NDC80: variants seen among roughly 807,000 people sequenced by gnomAD.
NDC80 encodes the protein kinetochore protein NDC80 homolog.
In NDC80, 69 loss-of-function variants were observed where a neutral mutation model predicts 89.3. That is an observed-to-expected ratio of 0.77 (90% CI 0.64 to 0.94). NDC80 has a LOEUF of 0.94. Ranked by LOEUF, NDC80 falls within the 40% of genes least tolerant of loss-of-function variation. The probability of loss-of-function intolerance (pLI) is 0.00; values close to 1 mark genes in which losing one functional copy is unlikely to be tolerated. For missense variants in NDC80, 593 were observed against 739.6 expected (o/e 0.80, Z 2.30); for synonymous variants, 243 against 255.6 (o/e 0.95, Z 0.47).
chr18:2,582,146 A>G (rs544359722), intron 6 of NDC80: 3 of 152,278 alleles, frequency 2.0e-5, no homozygotes, highest in East Asian at 1.9e-4. Context: ...GCATGATCTC[A>G]GCTCACTACA....
intron 12 of NDC80, among the ~76,000 whole-genome samples, chr18:2,600,807 A>C (rs1481613470): frequency 6.6e-6 from 1 of 152,192 alleles, no homozygotes; most frequent in Non-Finnish European, 1.5e-5. Flanking sequence ...ACACGCTATA[A>C]TTTTATGTTA....
At chr18:2,574,882 T>C (rs2072538563) in intron 2 of NDC80, 107 bp from the exon 3 acceptor site, 1 of 702,428 alleles carries the variant, frequency 1.4e-6, no homozygotes, top group Admixed American at 2.9e-5. Context: ...TTTTGAATTA[T>C]TTTTATAGCT....
intron 6 of NDC80, chr18:2,582,756 C>T (rs2072584674): frequency 6.6e-6 from 1 of 152,180 alleles, no homozygotes; most frequent in Admixed American, 6.5e-5. Flanking sequence ...TGTTGATTTC[C>T]TAATGACCTC....
At chr18:2,614,406 C>T (rs1445897374) in intron 16 of NDC80, 1 of 192,560 alleles carries the variant, frequency 5.2e-6, no homozygotes, top group Non-Finnish European at 1.1e-5. Flanking sequence ...CACTGCACTC[C>T]AGCCTGGCTA....
intron 6 of NDC80, among the ~76,000 whole-genome samples, chr18:2,583,152 A>G (rs777210279): frequency 3.9e-5 from 6 of 152,214 alleles, no homozygotes; most frequent in Non-Finnish European, 7.3e-5. Context: ...TACTTTTTAT[A>G]TCTATAATTA....
chr18:2,607,965 G>A lies in NDC80; in HGVS notation c.1558-735G>A, dbSNP rs1205553225. Among the ~76,000 whole-genome samples the A allele has an allele frequency of 2.6e-4, 18 of 68,140 alleles. 1 individual carries two copies. Among genetic ancestry groups the A allele is most frequent in the Non-Finnish European group, 3.8e-4 (14 of 36,400 alleles). 44.7% of individuals were successfully genotyped at this position (68,140 alleles called of 152,430 possible). A position where few individuals can be genotyped will look rare whatever the true frequency, so the allele number is the denominator to read the frequency against. On this transcript the variant is annotated intron_variant, in intron 14 of 16. Coordinates refer to ENST00000261597, the MANE Select transcript of NDC80 (RefSeq NM_006101.3). Reference sequence around the variant, plus strand: ...TGTTTTTATTTTACATATATACATAGTATATATATATATATATATATATAT... The same window carrying A: ...TGTTTTTATTTTACATATATACATAATATATATATATATATATATATATAT...
chr18:2,589,243 T>C lies in NDC80; in HGVS notation c.803T>C (p.Leu268Ser), dbSNP rs750511146. The C allele has an allele frequency of 1.2e-6, 2 of 1,613,632 alleles. No individual in the cohort carries two copies. Among genetic ancestry groups the C allele is most frequent in the Admixed American group, 1.7e-5 (1 of 59,968 alleles). The part of the protein sequence containing the change: ...FNVDAFKLES[L>S]EAKNRALNEQ... ...GTGGATGCTTTTAAGCTGGAATCAT[T>C]AGAAGCAAAAAACAGAGCATTGAAT... The change falls in exon 9 of 17, where the codon TTA becomes TCA. Residue 268 changes from leucine to serine, a missense_variant. Leu to Ser is a moderately radical substitution (Grantham distance 145, BLOSUM62 -2). Transcript: ENST00000261597.
intron 1 of NDC80, among the ~76,000 whole-genome samples, chr18:2,572,060 C>T (rs887933108): frequency 6.6e-6 from 1 of 152,132 alleles, no homozygotes; most frequent in Non-Finnish European, 1.5e-5. Flanking sequence ...TAGAAGTCTT[C>T]ATCTTAAATC....
chr18:2,579,202 A>G lies in NDC80; in HGVS notation c.579+173A>G, dbSNP rs532938743. 79 of 400,570 alleles carry G rather than the reference A, an allele frequency of 2.0e-4. 1 individual carries two copies. Among genetic ancestry groups the G allele is most frequent in the African/African-American group, 1.5e-3 (73 of 48,760 alleles). The allele number at this position is 400,570 out of a possible 1,614,324, so 24.8% of individuals were successfully genotyped here. A position where few individuals can be genotyped will look rare whatever the true frequency, so the allele number is the denominator to read the frequency against. ...AAACTATTATCACAAGGTAAAAGGA[A>G]GAAAGTACCAATTGATAAGGAGATT... On this transcript the variant is annotated intron_variant, in intron 6 of 16. Transcript: ENST00000261597.
chr18:2,608,454 C>T (rs973155496), intron 14 of NDC80, among the ~76,000 whole-genome samples: 2 of 152,066 alleles, frequency 1.3e-5, no homozygotes, highest in African/African-American at 4.8e-5. Context: ...GATCCACCCA[C>T]CTCAACCTCC....
intron 13 of NDC80, among the ~76,000 whole-genome samples, chr18:2,602,364 G>GA (rs1306734244): frequency 6.6e-6 from 1 of 151,986 alleles, no homozygotes; most frequent in Non-Finnish European, 1.5e-5. Flanking sequence ...CAGAAAAATA[G>GA]AAAAATTTGT....
chr18:2,599,235 A>G, intron 12 of NDC80, 64 bp downstream of exon 12: 1 of 1,404,784 alleles, frequency 7.1e-7, no homozygotes, highest in Non-Finnish European at 9.6e-7. Flanking sequence ...TAAGAGTTTG[A>G]ACTTTGGCTT....
In NDC80 at chr18:2,599,193, T is replaced by A. The variant is rs751045444; in HGVS notation, c.1374+22T>A. The A allele has an allele frequency of 5.0e-6, 8 of 1,584,402 alleles. No individual in the cohort carries two copies. In the South Asian group the frequency reaches 7.0e-5, roughly 14 times the overall value. On this transcript the variant is annotated intron_variant, in intron 12 of 16. Coordinates refer to ENST00000261597, the MANE Select transcript of NDC80 (RefSeq NM_006101.3). ...TTATGTAAGTAATCATGACTACTTTTAAGATTTTTTTAATTCTGTGATTGG... is the reference window on the plus strand; with the variant it reads ...TTATGTAAGTAATCATGACTACTTTAAAGATTTTTTTAATTCTGTGATTGG...
intron 6 of NDC80, among the ~76,000 whole-genome samples, chr18:2,579,601 A>G (rs1041676368): frequency 1.3e-5 from 2 of 151,816 alleles, no homozygotes; most frequent in African/African-American, 4.8e-5. Flanking sequence ...CTAATTTTCT[A>G]TTTTTAGTAG....
At chr18:2,615,127 T>A (rs1428473798) in intron 16 of NDC80, 2 of 152,350 alleles carry the variant, frequency 1.3e-5, no homozygotes, top group Middle Eastern at 6.8e-3. Flanking sequence ...AAGAGTACAT[T>A]TCTGTTGTTT....
chr18:2,608,482 G>C (rs1052042371), intron 14 of NDC80, among the ~76,000 whole-genome samples: 1 of 151,962 alleles, frequency 6.6e-6, no homozygotes, highest in Non-Finnish European at 1.5e-5. Context: ...CTGGGATGAC[G>C]GGCATGAGCC....
intron 9 of NDC80, among the ~76,000 whole-genome samples, chr18:2,589,515 A>G (rs1019351635): frequency 4.6e-5 from 7 of 152,330 alleles, no homozygotes; most frequent in Middle Eastern, 6.8e-3. Flanking sequence ...TCAGTCTTAG[A>G]CTAATGGTGC....
At chr18:2,605,622 A>G in intron 13 of NDC80, among the ~76,000 whole-genome samples, 1 of 152,116 alleles carries the variant, frequency 6.6e-6, no homozygotes, top group South Asian at 2.1e-4. Context: ...TGCTAGTTGT[A>G]TATGTCACTA....
In NDC80 at chr18:2,601,411, C is replaced by T. The variant is rs763712602; in HGVS notation, c.1390C>T (p.Leu464Phe). 5 of 1,512,646 alleles carry T rather than the reference C, an allele frequency of 3.3e-6. No individual in the cohort carries two copies. In the East Asian group the frequency reaches 9.3e-5, roughly 28 times the overall value. The allele number at this position is 1,512,646 out of a possible 1,614,324, so 93.7% of individuals were successfully genotyped here. The change falls in exon 13 of 17, where the codon CTC becomes TTC. Residue 464 changes from leucine (L) to phenylalanine (F), a missense_variant. Leu to Phe is a conservative substitution (Grantham distance 22, BLOSUM62 0). Transcript: ENST00000261597. ...TATTTTATAGGTACCTCTTAAGGAA[C>T]TCCTGAATGAAACTGAAGAAGAAAT... ...RAQVYVPLKE[L>F]LNETEEEINK...
Sources: gnomAD v4.1 joint callset for allele counts (sites outside exome capture counted in the v4.1 genomes callset) on GRCh38, gnomAD v4.1.1 for gene constraint, MANE v1.5 for transcripts, NCBI Gene and HGNC (gene_info 2026-07-23, HGNC 2026-07-21) for gene names.